Variants in MICAL1 observed in about 807,000 individuals in gnomAD.
MICAL1 encodes the protein [F-actin]-monooxygenase MICAL1.
Under a neutral mutation model 131.8 loss-of-function variants are expected in MICAL1, and 95 were observed. The ratio of observed to expected loss-of-function variants is 0.72; its 90% CI spans 0.61 to 0.86. MICAL1 has a LOEUF of 0.86. Ranked by LOEUF, MICAL1 falls within the 40% of genes least tolerant of loss-of-function variation. The probability of loss-of-function intolerance (pLI) is 0.00; values close to 1 mark genes in which losing one functional copy is unlikely to be tolerated. For missense variants in MICAL1, 1,292 were observed against 1,380.6 expected (o/e 0.94, Z 1.02); for synonymous variants, 546 against 554.2 (o/e 0.99, Z 0.21).
rs755636712 is a variant in MICAL1, at chr6:109,453,272, G to A, written c.562C>T (p.Pro188Ser). Residue 188 changes from proline (P) to serine (S), a missense_variant, in exon 4 of 25, where the codon CCT (proline) becomes TCT (serine). Coordinates refer to ENST00000358807, the MANE Select transcript of MICAL1 (RefSeq NM_022765.4). The part of the protein sequence containing the change: ...GVTFTGLQPP[P>S]RKGSGWRAQL... ...GCATAGAAATACTTACCCTTCCTAG[G>A]AGGGGGCTGGAGGCCAGTGAAAGTG... The A allele has an allele frequency of 6.8e-6, 11 of 1,613,444 alleles. No individual in the cohort carries two copies. The African/African-American group carries it at 1.2e-4, about 18-fold the overall frequency.
rs899001521 is a variant in MICAL1, at chr6:109,449,730, T to C, written c.1361A>G (p.Asn454Ser). ...TGGGTCCAGCCCATACTGGGCCACATTGCGATGCATGTTTTCTGGGGATGT... is the reference window on the plus strand; with the variant it reads ...TGGGTCCAGCCCATACTGGGCCACACTGCGATGCATGTTTTCTGGGGATGT... ...SQTSPENMHR[N>S]VAQYGLDPAT... is the part of the protein sequence containing the mutation. The change falls in exon 10 of 25, where the codon AAT (asparagine) becomes AGT (serine). Residue 454 changes from asparagine to serine, a missense_variant. Physicochemically the swap from Asn to Ser is conservative, Grantham distance 46. Coordinates refer to ENST00000358807, the MANE Select transcript of MICAL1 (RefSeq NM_022765.4). 3.1e-6 allele frequency: 5 copies of C among 1,604,178 alleles called. No homozygotes were observed. In the African/African-American group the frequency reaches 4.0e-5, roughly 13 times the overall value.
At chr6:109,465,631 A>G in intron 1 of MICAL1, 1 of 1,540,410 alleles carries the variant, frequency 6.5e-7, no homozygotes, top group Non-Finnish European at 8.7e-7. Context: ...AAAACCATTC[A>G]ATAATATTGA....
chr6:109,447,239 C>T lies in MICAL1; in HGVS notation c.2071-10G>A, dbSNP rs767397830. On this transcript the variant is annotated splice_polypyrimidine_tract_variant and intron_variant, in intron 16 of 24. Coordinates refer to ENST00000358807, the MANE Select transcript of MICAL1 (RefSeq NM_022765.4). ...GGTCCCCAGCACCGGCCTGCGTGGA[C>T]CCCCAGGACACAGGGTCAGGTGGAG... The T allele has an allele frequency of 1.2e-6, 2 of 1,613,802 alleles. No individual in the cohort carries two copies. The highest frequency in any genetic ancestry group is 1.7e-6 in the Non-Finnish European group (2 of 1,179,876).
rs752011431 is a variant in MICAL1, at chr6:109,450,471, A to G, written c.1020T>C (p.Phe340=). Residue 340 remains phenylalanine, a synonymous_variant, in exon 8 of 25, where the codon TTT becomes TTC. Transcript: ENST00000358807. ...GTTTCCCGAGCTTGCCATGGGTGGC[A>G]AAGTCAGCAGCTGCCCGGGTAAAGC... ...LQRFTRAAAD[F]ATHGKLGKLE... 36 of 1,613,316 alleles carry G rather than the reference A, an allele frequency of 2.2e-5. No individual in the cohort carries two copies. The highest frequency in any genetic ancestry group is 2.8e-5 in the Non-Finnish European group (33 of 1,180,006).
Position 109,444,965 on chromosome 6 carries a change from AC to A in MICAL1, c.2911del (p.Val971Ter), listed in dbSNP as rs1775142208. On this transcript the variant is annotated frameshift_variant, in exon 23 of 25. Transcript: ENST00000358807. LOFTEE classifies it high-confidence loss of function. ...GTCAACGAGCTGTAGCAGCTGTCCTACCCATAGTTTCTTTTGCTGTTCTGGG... is the reference window on the plus strand; with the variant it reads ...GTCAACGAGCTGTAGCAGCTGTCCTACCATAGTTTCTTTTGCTGTTCTGGG... ...SSPEQQKKLW[V>X]GQLLQLVDKK... 6.2e-7 allele frequency: 1 copy of A among 1,613,990 alleles called. No individual in the cohort carries two copies. Among genetic ancestry groups the A allele is most frequent in the Non-Finnish European group, 8.5e-7 (1 of 1,180,018 alleles).
At chr6:109,447,560 A>G in intron 15 of MICAL1, 120 bp from the exon 16 acceptor site, 1 of 1,457,878 alleles carries the variant, frequency 6.9e-7, no homozygotes. Context: ...GGGAGGCTGG[A>G]TGGGGGGGTT....
upstream of MICAL1, among the ~76,000 whole-genome samples, chr6:109,457,401 C>G (rs1045409435): frequency 6.6e-6 from 1 of 152,150 alleles, no homozygotes; most frequent in South Asian, 2.1e-4. Context: ...CTCCACCACC[C>G]CAGGGTTGAT....
intron 24 of MICAL1, 44 bp from the exon 25 acceptor site, chr6:109,444,383 G>A (rs765787530): frequency 1.2e-6 from 2 of 1,612,110 alleles, no homozygotes; most frequent in South Asian, 2.2e-5. Flanking sequence ...AACTGGGCAG[G>A]GAAGCAGGAG....
chr6:109,462,858 TAAAAC>T (rs952720835), intron 1 of MICAL1: 19 of 152,348 alleles, frequency 1.2e-4, no homozygotes, highest in African/African-American at 4.3e-4. Flanking sequence ...ATATTTCTGT[TAAAAC>T]AATTTAAAAA....
At position 109,455,692 on chromosome 6, in the gene MICAL1, C is replaced by G; in HGVS notation, c.-44+27G>C. 1.0e-6 allele frequency: 1 copy of G among 984,546 alleles called. No individual in the cohort carries two copies. The highest frequency in any genetic ancestry group is 1.2e-6 in the Non-Finnish European group (1 of 829,900). 61.0% of individuals were successfully genotyped at this position (984,546 alleles called of 1,614,324 possible). On this transcript the variant is annotated intron_variant, in intron 1 of 24. Transcript: ENST00000358807. The surrounding 1 kb of genome is among the most constrained non-coding windows in gnomAD (Gnocchi z 4.7). ...CCTCACCCCACCCGGCCGCGGGGCT[C>G]GCAGCCGGCTCCGCTGGACGACTTA... is the stretch of plus-strand genomic sequence containing the variant.
Position 109,463,803 on chromosome 6 carries a change from T to A in MICAL1, c.14+1861A>T, listed in dbSNP as rs1479546558. The A allele has an allele frequency of 5.3e-5, 8 of 152,366 alleles. No homozygotes were observed. In the East Asian group the frequency reaches 1.3e-3, roughly 26 times the overall value. The allele number at this position is 152,366 out of a possible 1,614,324, so 9.4% of individuals were successfully genotyped here. On this transcript the variant is annotated intron_variant, in intron 1 of 24. Coordinates refer to the MICAL1 transcript ENST00000630715. The stretch of plus-strand genomic sequence containing the variant: ...GTTGAAATATTTGGCAAATGTTGGA[T>A]TAAATAAACTTTTATTAACATTTTC...
At chr6:109,449,605 T>C (rs752260) in intron 10 of MICAL1, 52 bp downstream of exon 10, 114,868 of 1,594,894 alleles carry the variant, frequency 0.072, 4,774 homozygotes, top group South Asian at 0.14. Context: ...GGGCCTGACC[T>C]GGGGGAAGGG....
At chr6:109,453,232 GGGA>G (rs1775612644) in intron 4 of MICAL1, 28 bp downstream of exon 4, 1 of 1,550,710 alleles carries the variant, frequency 6.4e-7, no homozygotes, top group East Asian at 2.2e-5. Context: ...ATGGGGGAGG[GGGA>G]GATTCCAGGG....
Position 109,444,177 on chromosome 6 carries a change from C to T in MICAL1, c.*14G>A, listed in dbSNP as rs114630860. On this transcript the variant is annotated 3_prime_UTR_variant, in exon 25 of 25. Coordinates refer to ENST00000358807, the MANE Select transcript of MICAL1 (RefSeq NM_022765.4). ...CTTTCTTTGTGGGAACGAAAGCAGA[C>T]GGCCCACCCTCGTCTAGCCCTGGGC... 2.1e-3 allele frequency: 3,334 copies of T among 1,607,438 alleles called. 71 individuals carry two copies. The African/African-American group carries it at 0.039, about 19-fold the overall frequency.
chr6:109,449,191 C>T (rs1195459244), intron 11 of MICAL1: 2 of 703,270 alleles, frequency 2.8e-6, no homozygotes, highest in African/African-American at 1.7e-5. Context: ...CAAACACTAA[C>T]GCGCTTACAT....
At position 109,448,806 on chromosome 6, in the gene MICAL1, G is replaced by A. The variant is rs1164911006; in HGVS notation, c.1590C>T (p.Val530=). Residue 530 remains valine, a synonymous_variant, in exon 12 of 25, where the codon GTC becomes GTT. Transcript: ENST00000358807. ...EQTAGYPGVH[V]SDLSSSWADG... ...CAGCCCAGGAGGAAGACAAATCGGA[G>A]ACGTGGACTCCCGGGTACCCAGCTG... 1 of 1,613,970 alleles carries A rather than the reference G, an allele frequency of 6.2e-7. No homozygotes were observed. The highest frequency in any genetic ancestry group is 2.2e-5 in the East Asian group (1 of 44,882).
chr6:109,444,776 C>A lies in MICAL1; in HGVS notation c.3004G>T (p.Glu1002Ter). 6.2e-7 allele frequency: 1 copy of A among 1,614,158 alleles called. No homozygotes were observed. Among genetic ancestry groups the A allele is most frequent in the East Asian group, 2.2e-5 (1 of 44,868 alleles). ...TCCTGGTCCAGCTGCCACTGTTTCT[C>A]CTCCAGATTCAATTCCTGCACCCTG... ...MITVQELNLE[E>*]KQWQLDQELR... Residue 1002 changes from glutamate (E) to a stop codon, truncating the protein, a stop_gained, in exon 24 of 25, where the codon GAG becomes TAG. Transcript: ENST00000358807. LOFTEE classifies it high-confidence loss of function.
chr6:109,451,950 C>T (rs1397382852), intron 6 of MICAL1: 22 of 1,389,274 alleles, frequency 1.6e-5, no homozygotes, highest in South Asian at 9.8e-5. Context: ...ACCACCTGGT[C>T]GCATGGCAGT....
Position 109,446,215 on chromosome 6 carries a change from G to C in MICAL1, c.2502C>G (p.Pro834=). 6.2e-7 allele frequency: 1 copy of C among 1,602,090 alleles called. No homozygotes were observed. Among genetic ancestry groups the C allele is most frequent in the Non-Finnish European group, 8.5e-7 (1 of 1,175,070 alleles). Residue 834 remains proline (P), a synonymous_variant, in exon 19 of 25, where the codon CCC becomes CCG. Coordinates refer to ENST00000358807, the MANE Select transcript of MICAL1 (RefSeq NM_022765.4). ...DPEMEPPPKP[P]RSCSALARHA... ...GGCGGGCCAAGGCGGAGCAGCTGCG[G>C]GGAGGCTTGGGTGGAGGCTCCATTT... is the stretch of plus-strand genomic sequence containing the variant.
Sources: allele counts gnomAD v4.1 joint callset (sites outside exome capture counted in the v4.1 genomes callset), GRCh38; gene constraint gnomAD v4.1.1; non-coding constraint Gnocchi (gnomAD v3.1); transcripts MANE v1.5; gene names NCBI Gene and HGNC (gene_info 2026-07-23, HGNC 2026-07-21).